Variants in KLHL13 observed in about 807,000 individuals in gnomAD.
KLHL13 encodes kelch like family member 13, also known as kelch-like protein 13.
In KLHL13, 10 loss-of-function variants were observed where a neutral mutation model predicts 37.1. The ratio of observed to expected loss-of-function variants is 0.27; its 90% CI spans 0.17 to 0.46. KLHL13 has a LOEUF of 0.46. KLHL13 is among the 20% of genes least tolerant of loss of function. The pLI, the probability that KLHL13 is intolerant of heterozygous loss-of-function variation, is 1.00. For synonymous variants in KLHL13, 163 were observed against 181.2 expected (o/e 0.90, Z 0.81); for missense variants, 360 against 509.3 (o/e 0.71, Z 2.82).
chrX:117,973,827 C>T (rs1422409391), upstream of KLHL13: 5 of 548,630 alleles, frequency 9.1e-6, no homozygotes, highest in African/African-American at 2.8e-5. Flanking sequence ...CCACCCCCCC[C>T]ACTCCTCCCC....
intron 1 of KLHL13, among the ~76,000 whole-genome samples, chrX:118,033,169 C>T (rs930416874): frequency 9.0e-6 from 1 of 111,391 alleles, no homozygotes; most frequent in Non-Finnish European, 1.9e-5. Context: ...AAACACTCTG[C>T]AGGATATTAT....
At chrX:117,955,956 A>G (rs2053198295) in intron 1 of KLHL13, among the ~76,000 whole-genome samples, 1 of 111,516 alleles carries the variant, frequency 9.0e-6, no homozygotes, top group African/African-American at 3.3e-5. Context: ...CCAAGAGTAT[A>G]TATGTGGTCT....
At chrX:117,920,899 A>G (rs1469415801) in intron 2 of KLHL13, among the ~76,000 whole-genome samples, 2 of 111,658 alleles carry the variant, frequency 1.8e-5, no homozygotes, top group Admixed American at 1.9e-4. Flanking sequence ...GCCTATACTC[A>G]GTACATTGCT....
intron 1 of KLHL13, among the ~76,000 whole-genome samples, chrX:118,023,047 T>G (rs2054236735): frequency 8.9e-6 from 1 of 112,027 alleles, no homozygotes; most frequent in Non-Finnish European, 1.9e-5. Context: ...CCATTTTGCG[T>G]TTATTTCTGT....
intron 1 of KLHL13, among the ~76,000 whole-genome samples, chrX:117,979,449 A>T (rs1163190991): frequency 1.8e-5 from 2 of 111,180 alleles, no homozygotes; most frequent in Non-Finnish European, 3.8e-5. Context: ...CCAAATTCCT[A>T]TGTGTCCTTC....
At chrX:118,008,177 T>C (rs1168715015) in intron 1 of KLHL13, among the ~76,000 whole-genome samples, 1 of 111,626 alleles carries the variant, frequency 9.0e-6, no homozygotes, top group Non-Finnish European at 1.9e-5. Context: ...CTTTGAAAAT[T>C]TTACATAATC....
Position 117,912,092 on chromosome X carries a change from C to T in KLHL13, c.571-1996G>A, listed in dbSNP as rs770814589. Among the ~76,000 whole-genome samples, 332 of 111,592 alleles carry T rather than the reference C, an allele frequency of 3.0e-3. 1 individual carries two copies. The highest frequency in any genetic ancestry group is 4.5e-3 in the Non-Finnish European group (241 of 53,098). On this transcript the variant is annotated intron_variant, in intron 4 of 6. Transcript: ENST00000262820. ...AATTTAAGTTTTGTAAATGGAGTTA[C>T]AGTCAATACCTGTTTTCCCAATTCA...
At chrX:118,090,763 C>A (rs1731988379) in intron 1 of KLHL13, among the ~76,000 whole-genome samples, 1 of 109,336 alleles carries the variant, frequency 9.1e-6, no homozygotes, top group African/African-American at 3.3e-5. Context: ...TTTGACCCAG[C>A]CATCCCATTA....
rs536191706 is a variant in KLHL13, at chrX:118,014,604, A to G, written c.-55-69029T>C. Among the ~76,000 whole-genome samples the G allele has an allele frequency of 1.3e-4, 15 of 112,294 alleles. No homozygotes were observed. In the South Asian group the frequency reaches 5.2e-3, roughly 39 times the overall value. On this transcript the variant is annotated intron_variant, in intron 1 of 6. Coordinates refer to the KLHL13 transcript ENST00000371882. ...TTCATACACCCCCTCCCCTTTTAGAATCCCTAACAAAAACTTGCTGGTTTT... is the reference window on the plus strand; with the variant it reads ...TTCATACACCCCCTCCCCTTTTAGAGTCCCTAACAAAAACTTGCTGGTTTT...
chrX:118,076,574 T>C (rs1569310237), intron 1 of KLHL13, among the ~76,000 whole-genome samples: 3 of 111,480 alleles, frequency 2.7e-5, no homozygotes, highest in Non-Finnish European at 5.7e-5. Flanking sequence ...GGTCTCATGG[T>C]TAATTTATGT....
At chrX:117,938,941 G>C (rs1932899951) in intron 2 of KLHL13, among the ~76,000 whole-genome samples, 1 of 109,875 alleles carries the variant, frequency 9.1e-6, no homozygotes, top group African/African-American at 3.3e-5. Context: ...GGATTAGAGG[G>C]ATTTATTTTT....
At chrX:118,062,636 C>T (rs757535986) in intron 1 of KLHL13, among the ~76,000 whole-genome samples, 96 of 110,629 alleles carry the variant, frequency 8.7e-4, no homozygotes, top group African/African-American at 2.7e-3. Flanking sequence ...GAAATACGTA[C>T]AGTTTCACTA....
intron 1 of KLHL13, among the ~76,000 whole-genome samples, chrX:118,056,936 C>CT (rs2054691276): frequency 1.8e-5 from 2 of 112,149 alleles, no homozygotes. Flanking sequence ...CCTCCGAGCA[C>CT]TTAAATCTAT....
At chrX:117,926,860 A>C (rs1932054012) in intron 2 of KLHL13, among the ~76,000 whole-genome samples, 1 of 101,120 alleles carries the variant, frequency 9.9e-6, no homozygotes, top group African/African-American at 3.6e-5. Context: ...CAGACAGAAA[A>C]AGCTCCAGGA....
intron 1 of KLHL13, among the ~76,000 whole-genome samples, chrX:118,094,605 G>C (rs1174938878): frequency 9.1e-6 from 1 of 110,127 alleles, no homozygotes; most frequent in African/African-American, 3.3e-5. Context: ...CACCAAAGTT[G>C]AAATGAAGGA....
chrX:118,065,064 C>T (rs896547524), intron 1 of KLHL13, among the ~76,000 whole-genome samples: 2 of 111,353 alleles, frequency 1.8e-5, no homozygotes, highest in Non-Finnish European at 3.8e-5. Context: ...ATCGACAAGA[C>T]GTTCACTATG....
At chrX:118,019,262 A>T (rs1259173639) in intron 1 of KLHL13, among the ~76,000 whole-genome samples, 1 of 111,212 alleles carries the variant, frequency 9.0e-6, no homozygotes, top group African/African-American at 3.3e-5. Flanking sequence ...CAGTATTTTC[A>T]TGTGTTTTTT....
intron 1 of KLHL13, among the ~76,000 whole-genome samples, chrX:118,096,106 C>CA (rs1384260968): frequency 1.8e-5 from 2 of 111,605 alleles, no homozygotes; most frequent in African/African-American, 3.3e-5. Flanking sequence ...AATACAGACA[C>CA]AAAAAACCCT....
At chrX:117,954,443 T>C (rs1343092497) in intron 1 of KLHL13, among the ~76,000 whole-genome samples, 1 of 111,964 alleles carries the variant, frequency 8.9e-6, no homozygotes, top group African/African-American at 3.2e-5. Flanking sequence ...AAGGGATACA[T>C]GGATGGATGA....
Sources: gnomAD v4.1 joint callset for allele counts (sites outside exome capture counted in the v4.1 genomes callset) on GRCh38, gnomAD v4.1.1 for gene constraint, MANE v1.5 for transcripts, NCBI Gene and HGNC (gene_info 2026-07-23, HGNC 2026-07-21) for gene names.